TSPAN11: variants seen among roughly 807,000 people sequenced by gnomAD.
The protein encoded by TSPAN11 is tetraspanin-11.
A neutral mutation model predicts 32.9 loss-of-function variants in TSPAN11; 29 were observed. That is an observed-to-expected ratio of 0.88 (90% confidence interval 0.66 to 1.20). TSPAN11 has a LOEUF of 1.20. TSPAN11 is among the 50% of genes most tolerant of loss of function. TSPAN11 has a pLI of 0.00. For missense variants in TSPAN11, 283 were observed against 329.1 expected (o/e 0.86, Z 1.08); for synonymous variants, 140 against 141.3 (o/e 0.99, Z 0.07).
chr12:30,990,369 C>T (rs569542200), intron 7 of TSPAN11, among the ~76,000 whole-genome samples: 2 of 152,310 alleles, frequency 1.3e-5, no homozygotes, highest in East Asian at 3.9e-4. Context: ...GCCGGTCAAA[C>T]AGCTCCCTTC....
chr12:30,971,131 G>A (rs1270877840), intron 3 of TSPAN11, among the ~76,000 whole-genome samples: 1 of 152,166 alleles, frequency 6.6e-6, no homozygotes, highest in African/African-American at 2.4e-5. Flanking sequence ...GAATAGGCTA[G>A]TACCTGCCTC....
chr12:31,003,288 A>C, the TSPAN11 span, among the ~76,000 whole-genome samples: 2 of 152,224 alleles, frequency 1.3e-5, no homozygotes, highest in Non-Finnish European at 2.9e-5. Flanking sequence ...ACCGTTCTGC[A>C]GGACAGGCAA....
At position 30,979,067 on chromosome 12, in the gene TSPAN11, G is replaced by C. The variant is rs1157253891; in HGVS notation, c.351+432G>C. The C allele has an allele frequency of 1.7e-5, 4 of 236,836 alleles. No individual in the cohort carries two copies. In the South Asian group the frequency reaches 3.7e-4, roughly 22 times the overall value. 14.7% of individuals were successfully genotyped at this position (236,836 alleles called of 1,614,324 possible). On this transcript the variant is annotated intron_variant, in intron 4 of 7. Transcript: ENST00000546076. ...GTCAGTCCTATCCACTCCCACCCTTGAGCCCTCTGAATCGGGGATTCGAGG... is the reference window on the plus strand; with the variant it reads ...GTCAGTCCTATCCACTCCCACCCTTCAGCCCTCTGAATCGGGGATTCGAGG...
intron 3 of TSPAN11, among the ~76,000 whole-genome samples, chr12:30,970,760 A>C (rs1592486071): frequency 1.3e-5 from 2 of 152,270 alleles, no homozygotes; most frequent in Middle Eastern, 6.8e-3. Flanking sequence ...TGGGGCCAGG[A>C]GGGGTAGAGG....
Position 30,991,965 on chromosome 12 carries a change from C to T in TSPAN11, c.*50C>T, listed in dbSNP as rs1408402190. On this transcript the variant is annotated 3_prime_UTR_variant, in exon 8 of 8. Transcript: ENST00000546076. ...TGCCCCTCAAGACAACATGTGGCCA[C>T]ATGCCATCTGCAAGGCCTGCAGAGT... is the stretch of plus-strand genomic sequence containing the variant. 2.5e-6 allele frequency: 4 copies of T among 1,604,876 alleles called. No homozygotes were observed. Among genetic ancestry groups the T allele is most frequent in the Non-Finnish European group, 3.4e-6 (4 of 1,171,802 alleles).
At chr12:30,958,073 G>A (rs1200465935) in intron 2 of TSPAN11, among the ~76,000 whole-genome samples, 2 of 152,038 alleles carry the variant, frequency 1.3e-5, no homozygotes, top group African/African-American at 4.8e-5. Flanking sequence ...GAGGGGGGCA[G>A]GGACAGCTCC....
chr12:30,940,459 A>G (rs908082518), intron 1 of TSPAN11, among the ~76,000 whole-genome samples: 5 of 152,170 alleles, frequency 3.3e-5, no homozygotes, highest in Admixed American at 2.0e-4. Flanking sequence ...TGACCCTGGG[A>G]TGTAAGAGCA....
At chr12:30,933,875 TC>T (rs1937986830) in intron 1 of TSPAN11, among the ~76,000 whole-genome samples, 1 of 152,102 alleles carries the variant, frequency 6.6e-6, no homozygotes, top group Non-Finnish European at 1.5e-5. Context: ...CTAGAATGCT[TC>T]CCATGTCCTC....
intron 1 of TSPAN11, among the ~76,000 whole-genome samples, chr12:30,930,579 C>T (rs1394281885): frequency 2.0e-5 from 3 of 152,174 alleles, no homozygotes; most frequent in African/African-American, 4.8e-5. Flanking sequence ...ATCTGTAAAT[C>T]GAGGAAATGA....
Position 30,979,568 on chromosome 12 carries a change from G to T in TSPAN11, c.354G>T (p.Leu118=). 1.2e-6 allele frequency: 2 copies of T among 1,614,190 alleles called. No homozygotes were observed. The highest frequency in any genetic ancestry group is 2.2e-5 in the South Asian group (2 of 91,080). Residue 118 remains leucine, a splice_region_variant and synonymous_variant, in exon 5 of 8, where the codon CTG becomes CTT. Transcript: ENST00000546076. ...GACTTCGCTCCTACCCTCCTCAGCT[G>T]AGTGATGAACTGAAGCAGCACTTGA... ...GVLAHVYYQR[L]SDELKQHLNR... is the part of the protein sequence containing the mutation.
chr12:30,963,782 G>T, intron 2 of TSPAN11, 44 bp from the exon 3 acceptor site: 1 of 1,582,778 alleles, frequency 6.3e-7, no homozygotes. Context: ...AGCAGCTGCC[G>T]AGGCCCCCGC....
the TSPAN11 span, among the ~76,000 whole-genome samples, chr12:31,016,064 G>A: frequency 2.6e-4 from 39 of 152,318 alleles, no homozygotes; most frequent in South Asian, 7.2e-3. Context: ...ATAACCAGAG[G>A]CCAGGAGTTC....
At chr12:30,965,493 T>G (rs1374415570) in intron 3 of TSPAN11, among the ~76,000 whole-genome samples, 3 of 148,928 alleles carry the variant, frequency 2.0e-5, no homozygotes, top group Non-Finnish European at 2.9e-5. Context: ...CCATCTGTCC[T>G]GCTTCTGTGG....
intron 3 of TSPAN11, among the ~76,000 whole-genome samples, chr12:30,971,590 A>AATAG (rs1181776995): frequency 1.3e-5 from 2 of 152,054 alleles, no homozygotes; most frequent in East Asian, 3.9e-4. Context: ...TAAATAAATA[A>AATAG]ATAAATTTAA....
chr12:30,927,802 G>T lies in TSPAN11; in HGVS notation c.-12+1006G>T, dbSNP rs114365892. Among the ~76,000 whole-genome samples, 608 of 152,302 alleles carry T rather than the reference G, an allele frequency of 4.0e-3. 1 individual carries two copies. The highest frequency in any genetic ancestry group is 0.014 in the African/African-American group (577 of 41,560). ...GAATCAGAACTTAATGGTTGTCACT[G>T]TGTCAGTAGCATTGTTCCCTGGACA... On this transcript the variant is annotated intron_variant, in intron 1 of 7. Transcript: ENST00000546076.
At chr12:30,991,752 G>A in intron 7 of TSPAN11, 104 bp from the exon 8 acceptor site, 1 of 1,255,460 alleles carries the variant, frequency 8.0e-7, no homozygotes, top group Admixed American at 1.8e-5. Context: ...CTTTGCCCAG[G>A]CCCCAGGGTA....
intron 3 of TSPAN11, among the ~76,000 whole-genome samples, chr12:30,969,640 C>G (rs147907002): frequency 1.3e-5 from 2 of 152,318 alleles, no homozygotes; most frequent in African/African-American, 4.8e-5. Flanking sequence ...GCAGCATTGT[C>G]TTGATGGGGT....
chr12:31,001,862 T>C, the TSPAN11 span, among the ~76,000 whole-genome samples: 1,082 of 152,250 alleles, frequency 7.1e-3, 12 homozygotes, highest in African/African-American at 0.025. Flanking sequence ...GGGCAGCCTG[T>C]CTTCCACGGC....
At chr12:30,944,286 T>C (rs923852035) in intron 1 of TSPAN11, among the ~76,000 whole-genome samples, 2 of 152,190 alleles carry the variant, frequency 1.3e-5, no homozygotes, top group Non-Finnish European at 1.5e-5. Flanking sequence ...GAATACAATA[T>C]ATTATTAACT....
Sources: gnomAD v4.1 joint callset for allele counts (sites outside exome capture counted in the v4.1 genomes callset) on GRCh38, gnomAD v4.1.1 for gene constraint, MANE v1.5 for transcripts, NCBI Gene and HGNC (gene_info 2026-07-23, HGNC 2026-07-21) for gene names.